Variants in CHD4 observed in about 807,000 individuals in gnomAD.
CHD4 encodes the protein chromodomain helicase DNA binding protein 4.
A neutral mutation model predicts 235.5 loss-of-function variants in CHD4; 35 were observed. The ratio of observed to expected loss-of-function variants is 0.15; its 90% CI spans 0.11 to 0.20. CHD4 has a LOEUF of 0.20. Ranked by LOEUF, CHD4 falls within the 10% of genes least tolerant of loss-of-function variation. CHD4 has a pLI of 1.00. For missense variants in CHD4, 1,329 were observed against 2,432.3 expected, an observed-to-expected ratio of 0.55 and a Z score of 9.54; for synonymous variants, 900 against 850.2, an observed-to-expected ratio of 1.06 and a Z score of -1.02.
chr12:6,601,552 G>A lies in CHD4; in HGVS notation c.558-22C>T, dbSNP rs1459176145. ...GGGTCTGGTGGAGAAATGCACAAGAGCAGAGGGAAAGGTTTAAGAATAAAA... is the reference window on the plus strand; with the variant it reads ...GGGTCTGGTGGAGAAATGCACAAGAACAGAGGGAAAGGTTTAAGAATAAAA... On this transcript the variant is annotated intron_variant, in intron 5 of 39. Transcript: ENST00000544040. 6 of 1,613,890 alleles carry A rather than the reference G, an allele frequency of 3.7e-6. No homozygotes were observed. In the African/African-American group the frequency reaches 4.0e-5, roughly 11 times the overall value.
intron 10 of CHD4, 80 bp from the exon 11 acceptor site, chr12:6,598,505 A>G: frequency 8.3e-7 from 1 of 1,208,970 alleles, no homozygotes; most frequent in Non-Finnish European, 1.2e-6. Context: ...AACTTCATCA[A>G]AGGACGATTC....
Position 6,581,151 on chromosome 12 carries a change from G to A in CHD4, c.4802C>T (p.Ala1601Val), listed in dbSNP as rs1948180829. Reference protein sequence around the residue: ...AIECTQAPAPASEDEKVVVEP... With the variant: ...AIECTQAPAPVSEDEKVVVEP... Reference sequence around the variant, plus strand: ...AACAACGACCTTTTCATCCTCTGAGGCAGGGGCAGGGGCCTGTGTACACTT... The same window carrying A: ...AACAACGACCTTTTCATCCTCTGAGACAGGGGCAGGGGCCTGTGTACACTT... Residue 1601 changes from alanine (A) to valine (V), a missense_variant, in exon 33 of 40, where the codon GCC (alanine) becomes GTC (valine). Physicochemically the swap from Ala to Val is moderately conservative, Grantham distance 64. Coordinates refer to ENST00000544040, the MANE Select transcript of CHD4 (RefSeq NM_001273.5). The A allele has an allele frequency of 3.1e-6, 5 of 1,613,808 alleles. No individual in the cohort carries two copies. Among genetic ancestry groups the A allele is most frequent in the Non-Finnish European group, 4.2e-6 (5 of 1,180,000 alleles).
At chr12:6,576,212 C>G (rs951497910) in intron 37 of CHD4, among the ~76,000 whole-genome samples, 1 of 152,082 alleles carries the variant, frequency 6.6e-6, no homozygotes, top group Admixed American at 6.6e-5. Context: ...CAAAAATTAG[C>G]TGGGCGTGGT....
At chr12:6,596,184 T>TC in intron 12 of CHD4, 47 bp from the exon 13 acceptor site, 2 of 1,603,592 alleles carry the variant, frequency 1.2e-6, no homozygotes, top group Non-Finnish European at 1.7e-6. Flanking sequence ...AAGGCAACCC[T>TC]CCTCACTTCC....
chr12:6,571,231 T>C (rs1008000144), intron 38 of CHD4, 199 bp from the exon 39 acceptor site: 4 of 604,000 alleles, frequency 6.6e-6, no homozygotes, highest in Non-Finnish European at 1.1e-5. Flanking sequence ...TTTGTGCTTT[T>C]TAAAGTCACC....
At position 6,599,814 on chromosome 12, in the gene CHD4, G is replaced by A; in HGVS notation, c.1441C>T (p.Pro481Ser). 3 of 1,614,120 alleles carry A rather than the reference G, an allele frequency of 1.9e-6. No homozygotes were observed. The highest frequency in any genetic ancestry group is 2.2e-5 in the East Asian group (1 of 44,876). The part of the protein sequence containing the change: ...YHIHCLNPPL[P>S]EIPNGEWLCP... ...AGCCATTCACCGTTGGGGATCTCTG[G>A]AAGTGGGGGATTCAGGCAGTGGATG... The change falls in exon 10 of 40, where the codon CCA becomes TCA. Residue 481 changes from proline to serine, a missense_variant. By Grantham distance (74) the Pro-to-Ser change is moderately conservative (BLOSUM62 -1). Around this residue, in one of 26 missense-constraint regions of CHD4, gnomAD observed 33 missense variants for 84.2 expected, o/e 0.39. Transcript: ENST00000544040.
chr12:6,605,295 TTAAAC>T (rs1948672883), intron 2 of CHD4, among the ~76,000 whole-genome samples: 1 of 151,350 alleles, frequency 6.6e-6, no homozygotes, highest in Non-Finnish European at 1.5e-5. Context: ...GAAAAAAAAA[TTAAAC>T]TAGAAAACAT....
intron 25 of CHD4, among the ~76,000 whole-genome samples, chr12:6,585,484 G>A (rs1055375326): frequency 2.6e-5 from 4 of 151,402 alleles, no homozygotes; most frequent in South Asian, 2.1e-4. Context: ...GGGTTTCATC[G>A]TGTTAGCCAG....
At position 6,581,633 on chromosome 12, in the gene CHD4, G is replaced by A; in HGVS notation, c.4681+16C>T. On this transcript the variant is annotated intron_variant, in intron 31 of 39. Transcript: ENST00000544040. ...AAAAAGAGAGGGACAGAAAATGATA[G>A]GACAGGCAGACTTACCAGCAGGTGG... is the stretch of plus-strand genomic sequence containing the variant. 1 of 1,614,052 alleles carries A rather than the reference G, an allele frequency of 6.2e-7. No individual in the cohort carries two copies. The highest frequency in any genetic ancestry group is 8.5e-7 in the Non-Finnish European group (1 of 1,179,928).
At chr12:6,583,558 A>C (rs1592266834) in intron 25 of CHD4, 180 bp from the exon 26 acceptor site, 8 of 551,768 alleles carry the variant, frequency 1.4e-5, no homozygotes, top group Non-Finnish European at 1.9e-5. Flanking sequence ...AGCTCCTCAT[A>C]ATTACATATA....
At chr12:6,600,139 C>T in intron 9 of CHD4, 78 bp downstream of exon 9, 1 of 1,580,334 alleles carries the variant, frequency 6.3e-7, no homozygotes. Context: ...TTTCCATTTC[C>T]ATCCAGGCCC....
rs138250427 is a variant in CHD4, at chr12:6,593,533, T to G, written c.2397A>C (p.Pro799=). Residue 799 remains proline (P), a synonymous_variant, in exon 16 of 40, where the codon CCA becomes CCC. Transcript: ENST00000544040. This position sits in a 1 kb window ranked among gnomAD's most constrained non-coding sequence, Gnocchi z 4.9. ...CCACATAGGTTACGACATACATGTC[T>G]GGAGCCCACATTTCAAACTCCCGCT... The part of the protein sequence containing the change: ...NWEREFEMWA[P]DMYVVTYVGD... The G allele has an allele frequency of 1.2e-4, 196 of 1,614,188 alleles. 1 individual carries two copies. The African/African-American group carries it at 2.4e-3, about 20-fold the overall frequency.
intron 33 of CHD4, chr12:6,580,406 A>C (rs991099686): frequency 3.9e-5 from 6 of 152,416 alleles, no homozygotes; most frequent in Non-Finnish European, 7.3e-5. Flanking sequence ...AGGGATCTGT[A>C]GTGCTTAATA....
At chr12:6,574,036 A>G (rs1436286482) in intron 37 of CHD4, among the ~76,000 whole-genome samples, 1 of 152,030 alleles carries the variant, frequency 6.6e-6, no homozygotes, top group Admixed American at 6.6e-5. Flanking sequence ...AAAAGGGGTT[A>G]TTTTGCTATT....
chr12:6,606,333 C>A lies in CHD4; in HGVS notation c.41G>T (p.Gly14Val). 6.4e-7 allele frequency: 1 copy of A among 1,570,460 alleles called. No homozygotes were observed. Among genetic ancestry groups the A allele is most frequent in the Non-Finnish European group, 8.6e-7 (1 of 1,161,200 alleles). ...TGCATCCATATCCTCCTCCTCACTG[C>A]CCGCCGAGCAGGGGGACGGGGAGCC... ...GLGSPSPCSA[G>V]SEEEDMDALL... Residue 14 changes from glycine (G) to valine (V), a missense_variant, in exon 2 of 40, where the codon GGC becomes GTC. Physicochemically the swap from Gly to Val is moderately radical, Grantham distance 109. Coordinates refer to ENST00000544040, the MANE Select transcript of CHD4 (RefSeq NM_001273.5).
chr12:6,586,080 A>T (rs997808033), intron 25 of CHD4, among the ~76,000 whole-genome samples: 1 of 151,490 alleles, frequency 6.6e-6, no homozygotes, highest in Non-Finnish European at 1.5e-5. Context: ...AGCCTGGGCA[A>T]CAGAGCAAGA....
At position 6,570,505 on chromosome 12, in the gene CHD4, C is replaced by CACTG; in HGVS notation, c.*167_*170dup. ...CATGTCTCTTCTGCAGGAAGGGCACCACTGCCCCTCACTCCCTCCCCTCCC... is the reference window on the plus strand; with the variant it reads ...CATGTCTCTTCTGCAGGAAGGGCACCACTGACTGCCCCTCACTCCCTCCCCTCCC... On this transcript the variant is annotated 3_prime_UTR_variant, in exon 40 of 40. Coordinates refer to ENST00000544040, the MANE Select transcript of CHD4 (RefSeq NM_001273.5). The CACTG allele has an allele frequency of 1.4e-6, 1 of 729,802 alleles. No homozygotes were observed. Among genetic ancestry groups the CACTG allele is most frequent in the Non-Finnish European group, 2.3e-6 (1 of 439,890 alleles). The allele number at this position is 729,802 out of a possible 1,614,324, so 45.2% of individuals were successfully genotyped here. A position where few individuals can be genotyped will look rare whatever the true frequency, so the allele number is the denominator to read the frequency against.
intron 13 of CHD4, among the ~76,000 whole-genome samples, chr12:6,595,655 G>A (rs996261950): frequency 4.6e-5 from 7 of 152,024 alleles, no homozygotes; most frequent in Admixed American, 2.0e-4. Flanking sequence ...GGGCATGGTG[G>A]CAGACGCCTG....
At chr12:6,592,938 A>G in intron 17 of CHD4, 121 bp from the exon 18 acceptor site, 1 of 1,509,652 alleles carries the variant, frequency 6.6e-7, no homozygotes, top group East Asian at 2.3e-5. Context: ...ATTCTTTTTA[A>G]AGGCCTGGCC....
Sources: allele counts gnomAD v4.1 joint callset (sites outside exome capture counted in the v4.1 genomes callset), GRCh38; gene constraint gnomAD v4.1.1; regional missense constraint gnomAD v4.1.1; non-coding constraint Gnocchi (gnomAD v3.1); transcripts MANE v1.5; gene names NCBI Gene and HGNC (gene_info 2026-07-23, HGNC 2026-07-21).